Variants in HSPH1 observed in about 807,000 individuals in gnomAD.
HSPH1 encodes heat shock protein family H (Hsp110) member 1, also known as heat shock protein 105 kDa.
HSPH1 carries 40 observed loss-of-function variants against 100.0 expected under a neutral mutation model. The observed-to-expected ratio is 0.40, with a 90% CI of 0.31 to 0.52. The LOEUF is 0.52. Among genes scored for constraint, HSPH1 ranks in the 20% least tolerant of loss-of-function variants. HSPH1 has a pLI of 0.54. For synonymous variants in HSPH1, 403 were observed against 344.0 expected (o/e 1.17, Z -1.90); for missense variants, 876 against 1,015.1 (o/e 0.86, Z 1.86).
At chr13:31,140,765 A>G (rs1565996192) in intron 13 of HSPH1, 1 of 176,130 alleles carries the variant, frequency 5.7e-6, no homozygotes, top group African/African-American at 2.4e-5. Context: ...GAAAAACCAA[A>G]TCTCAATTAT....
At position 31,151,171 on chromosome 13, in the gene HSPH1, A is replaced by T; in HGVS notation, c.684T>A (p.Asp228Glu). The T allele has an allele frequency of 6.2e-7, 1 of 1,611,736 alleles. No individual in the cohort carries two copies. The highest frequency in any genetic ancestry group is 8.5e-7 in the Non-Finnish European group (1 of 1,178,634). Residue 228 changes from aspartate to glutamate, a missense_variant, in exon 7 of 18, where the codon GAT (aspartate) becomes GAA (glutamate). Coordinates refer to ENST00000320027, the MANE Select transcript of HSPH1 (RefSeq NM_006644.4). Reference protein sequence around the residue: ...GKLKVLGTAFDPFLGGKNFDE... With the variant: ...GKLKVLGTAFEPFLGGKNFDE... ...CGAAGTTTTTTCCTCCTAAGAAAGG[A>T]TCAAAAGCTGTTCCCAGTACCTAAT...
In HSPH1 at chr13:31,136,818, ATTT is replaced by A. The variant is rs958444553; in HGVS notation, c.*497_*499del. ...GACTAGCTTTTGTTTTACTCATTGA[ATTT>A]TTAATATCAAAGCAAAAAGTCATTT... On this transcript the variant is annotated 3_prime_UTR_variant, in exon 18 of 18. Coordinates refer to ENST00000320027, the MANE Select transcript of HSPH1 (RefSeq NM_006644.4). The A allele has an allele frequency of 5.2e-6, 1 of 192,230 alleles. No individual in the cohort carries two copies. Among genetic ancestry groups the A allele is most frequent in the Non-Finnish European group, 1.1e-5 (1 of 91,208 alleles). The allele number at this position is 192,230 out of a possible 1,614,324, so 11.9% of individuals were successfully genotyped here.
intron 1 of HSPH1, among the ~76,000 whole-genome samples, chr13:31,159,125 T>A (rs1956807066): frequency 6.6e-6 from 1 of 152,204 alleles, no homozygotes; most frequent in Admixed American, 6.5e-5. Context: ...CCAGTTATTA[T>A]GAACCGAACA....
chr13:31,161,873 G>A lies in HSPH1; in HGVS notation c.-291C>T, dbSNP rs1956933525. 2.0e-6 allele frequency: 3 copies of A among 1,484,322 alleles called. No individual in the cohort carries two copies. The highest frequency in any genetic ancestry group is 1.4e-5 in the African/African-American group (1 of 71,702). 91.9% of individuals were successfully genotyped at this position (1,484,322 alleles called of 1,614,324 possible). On this transcript the variant is annotated 5_prime_UTR_variant, in exon 1 of 18. Transcript: ENST00000320027. Reference sequence around the variant, plus strand: ...TGCCTGCCTCACTCTGCCGCGGCTCGCACACCGGCGCCGGCGCTGAACTAC... The same window carrying A: ...TGCCTGCCTCACTCTGCCGCGGCTCACACACCGGCGCCGGCGCTGAACTAC...
At chr13:31,152,222 C>A (rs1956513811) in intron 5 of HSPH1, 2 of 152,450 alleles carry the variant, frequency 1.3e-5, no homozygotes, top group South Asian at 2.1e-4. Context: ...AACATGTATA[C>A]CTAAAAACAT....
rs371679919 is a variant in HSPH1 at position 31,158,857 on chromosome 13, G to A, written c.114C>T (p.Val38=). The A allele has an allele frequency of 1.1e-5, 18 of 1,576,814 alleles. No individual in the cohort carries two copies. In the African/African-American group the frequency reaches 2.0e-4, roughly 18 times the overall value. ...NEFSDRCTPS[V]ISFGSKNRTI... is the part of the protein sequence containing the mutation. ...TTCTATTTTTTGATCCAAATGATAT[G>A]ACTGACCTAGAAAAAAATATATTCC... Residue 38 remains valine, a synonymous_variant, in exon 2 of 18, where the codon GTC becomes GTT. Coordinates refer to ENST00000320027, the MANE Select transcript of HSPH1 (RefSeq NM_006644.4).
Position 31,161,788 on chromosome 13 carries a change from G to C in HSPH1, c.-206C>G. Reference sequence around the variant, plus strand: ...CCCCCGGGGACAGCGGCGGCTGGCTGATAAGAAACCCTGGGAGAAAGCGGG... The same window carrying C: ...CCCCCGGGGACAGCGGCGGCTGGCTCATAAGAAACCCTGGGAGAAAGCGGG... On this transcript the variant is annotated 5_prime_UTR_variant, in exon 1 of 18. The change creates a new upstream start codon in the 5' untranslated region. Transcript: ENST00000320027. The C allele has an allele frequency of 6.7e-7, 1 of 1,496,188 alleles. No homozygotes were observed. Among genetic ancestry groups the C allele is most frequent in the Non-Finnish European group, 8.9e-7 (1 of 1,123,806 alleles). 92.7% of individuals were successfully genotyped at this position (1,496,188 alleles called of 1,614,324 possible).
rs1489474081 is a variant in HSPH1 at position 31,137,099 on chromosome 13, T to C, written c.*219A>G. 2 of 709,368 alleles carry C rather than the reference T, an allele frequency of 2.8e-6. No homozygotes were observed. Among genetic ancestry groups the C allele is most frequent in the Non-Finnish European group, 5.3e-6 (2 of 377,406 alleles). The allele number at this position is 709,368 out of a possible 1,614,324, so 43.9% of individuals were successfully genotyped here. ...GACTGCACAGAAAGCTTAGTATGAA[T>C]TCACAATTCCACAGGAATCTGAAAG... is the stretch of plus-strand genomic sequence containing the variant. On this transcript the variant is annotated 3_prime_UTR_variant, in exon 18 of 18. Coordinates refer to ENST00000320027, the MANE Select transcript of HSPH1 (RefSeq NM_006644.4).
upstream of HSPH1, chr13:31,162,339 C>T: frequency 3.5e-6 from 2 of 573,020 alleles, no homozygotes; most frequent in Non-Finnish European, 6.3e-6. Flanking sequence ...GGAGGCCGGC[C>T]AGCTGTCCGG....
chr13:31,157,407 T>TA (rs758839160), intron 2 of HSPH1, among the ~76,000 whole-genome samples: 19 of 152,192 alleles, frequency 1.2e-4, no homozygotes, highest in African/African-American at 4.3e-4. Context: ...AACAAGGAAA[T>TA]AAAGTTAAAT....
chr13:31,148,804 T>C (rs1022495039), intron 8 of HSPH1, among the ~76,000 whole-genome samples: 1 of 152,110 alleles, frequency 6.6e-6, no homozygotes, highest in Non-Finnish European at 1.5e-5. Context: ...TGTATCACTT[T>C]TGAATATGTA....
chr13:31,146,231 T>G (rs1956261662), intron 10 of HSPH1, among the ~76,000 whole-genome samples: 1 of 152,202 alleles, frequency 6.6e-6, no homozygotes, highest in South Asian at 2.1e-4. Context: ...TGTAAAATCT[T>G]CTACCTAGTC....
intron 2 of HSPH1, among the ~76,000 whole-genome samples, chr13:31,157,984 A>C (rs1028574187): frequency 1.1e-4 from 16 of 152,222 alleles, no homozygotes; most frequent in Non-Finnish European, 2.2e-4. Context: ...TATACTTCAC[A>C]TTTTGATTCA....
chr13:31,137,441 G>A lies in HSPH1; in HGVS notation c.2454C>T (p.Gly818=). ...CTTCTTCCTTTTTATCAATATTTGG[G>A]CCATTTGGAGTTCTTTCCAGTTTGG... ...ESPKLERTPN[G]PNIDKKEEDL... is the part of the protein sequence containing the mutation. Residue 818 remains glycine, a synonymous_variant, in exon 18 of 18, where the codon GGC becomes GGT. Coordinates refer to ENST00000320027, the MANE Select transcript of HSPH1 (RefSeq NM_006644.4). 1 of 1,613,424 alleles carries A rather than the reference G, an allele frequency of 6.2e-7. No individual in the cohort carries two copies. Among genetic ancestry groups the A allele is most frequent in the Non-Finnish European group, 8.5e-7 (1 of 1,179,588 alleles).
chr13:31,141,797 TAC>T (rs10573885), intron 12 of HSPH1, among the ~76,000 whole-genome samples: 3 of 124,132 alleles, frequency 2.4e-5, no homozygotes, highest in African/African-American at 6.1e-5. Context: ...TCCATACACA[TAC>T]ATACACACAC....
intron 12 of HSPH1, among the ~76,000 whole-genome samples, chr13:31,143,461 C>T (rs772138894): frequency 5.3e-5 from 8 of 151,986 alleles, no homozygotes; most frequent in Non-Finnish European, 7.4e-5. Flanking sequence ...ATCATGTAGC[C>T]CTGGTAAATA....
chr13:31,161,032 T>C (rs573340864), intron 1 of HSPH1, among the ~76,000 whole-genome samples: 2 of 152,094 alleles, frequency 1.3e-5, no homozygotes, highest in African/African-American at 2.4e-5. Context: ...CGCAAAGATA[T>C]GCGCGAAGGG....
intron 14 of HSPH1, chr13:31,139,315 G>A (rs750445065): frequency 3.9e-5 from 20 of 518,528 alleles, no homozygotes; most frequent in Admixed American, 3.3e-4. Flanking sequence ...ACAATGAAAT[G>A]TGGTTTCTAG....
chr13:31,151,734 T>G lies in HSPH1; in HGVS notation c.538A>C (p.Asn180His), dbSNP rs1956495612. The G allele has an allele frequency of 6.2e-7, 1 of 1,603,500 alleles. No homozygotes were observed. Among genetic ancestry groups the G allele is most frequent in the Non-Finnish European group, 8.5e-7 (1 of 1,176,728 alleles). Residue 180 changes from asparagine to histidine, a missense_variant, in exon 6 of 18, where the codon AAT (asparagine) becomes CAT (histidine). Coordinates refer to ENST00000320027, the MANE Select transcript of HSPH1 (RefSeq NM_006644.4). ...LMNDMTAVAL[N>H]YGIYKQDLPS... ...AGATCCTGCTTATAAATTCCGTAAT[T>G]CAAAGCAACTACAAAAAATAAGTAT...
Sources: gnomAD v4.1 joint callset for allele counts (sites outside exome capture counted in the v4.1 genomes callset) on GRCh38, gnomAD v4.1.1 for gene constraint, MANE v1.5 for transcripts, NCBI Gene and HGNC (gene_info 2026-07-23, HGNC 2026-07-21) for gene names.